The following PAICS variants were observed in gnomAD, a reference collection of about 807,000 sequenced individuals.
The protein encoded by PAICS is bifunctional phosphoribosylaminoimidazole carboxylase/phosphoribosylaminoimidazole succinocarboxamide synthetase.
A neutral mutation model predicts 53.7 loss-of-function variants in PAICS; 33 were observed. The observed-to-expected ratio is 0.61, with a 90% CI of 0.47 to 0.82. The LOEUF is 0.82. PAICS is among the 40% of genes least tolerant of loss of function. The pLI is 0.00. For synonymous variants in PAICS, 141 were observed against 167.2 expected, an observed-to-expected ratio of 0.84 and a Z score of 1.21; for missense variants, 394 against 494.1, an observed-to-expected ratio of 0.80 and a Z score of 1.92.
At chr4:56,431,413 GT>G, upstream of PAICS, 1 of 980,840 alleles carries the variant, frequency 1.0e-6, no homozygotes, top group Non-Finnish European at 1.2e-6. Flanking sequence ...TCTGTACTCT[GT>G]TTGCAGAACC....
upstream of PAICS, among the ~76,000 whole-genome samples, chr4:56,432,369 A>T (rs1717631470): frequency 6.6e-6 from 1 of 151,998 alleles, no homozygotes. Flanking sequence ...CTCTGCTAAA[A>T]ATACAAAAAT....
rs1041820526 is a variant in PAICS, at chr4:56,453,800, G to T, written c.1111+39G>T. The T allele has an allele frequency of 2.8e-6, 4 of 1,414,000 alleles. No homozygotes were observed. In the Admixed American group the frequency reaches 7.9e-5, roughly 28 times the overall value. The allele number at this position is 1,414,000 out of a possible 1,614,324, so 87.6% of individuals were successfully genotyped here. On this transcript the variant is annotated intron_variant, in intron 8 of 8. Coordinates refer to ENST00000512576, the MANE Select transcript of PAICS (RefSeq NM_001079524.2). ...AATTTTTAAAAACTGTTCATTACAA[G>T]CATTTAACAGATGCACAACAGTAGA...
chr4:56,417,815 C>T, the PAICS span, among the ~76,000 whole-genome samples: 3,547 of 147,338 alleles, frequency 0.024, 163 homozygotes, highest in African/African-American at 0.084. Flanking sequence ...GATTAATCTT[C>T]GGTATAATTT....
the PAICS span, chr4:56,425,276 T>C: frequency 6.3e-6 from 1 of 157,872 alleles, no homozygotes; most frequent in East Asian, 1.9e-4. Context: ...ACATGCATTA[T>C]AATTTGTATA....
At chr4:56,446,429 T>C (rs1050699090) in intron 2 of PAICS, 1 of 717,076 alleles carries the variant, frequency 1.4e-6, no homozygotes, top group Non-Finnish European at 2.6e-6. Flanking sequence ...CTAGTGTTTT[T>C]AAGCTTCATC....
intron 2 of PAICS, among the ~76,000 whole-genome samples, chr4:56,444,148 G>A (rs901830278): frequency 1.3e-5 from 2 of 151,996 alleles, no homozygotes; most frequent in Admixed American, 6.6e-5. Context: ...AATTAAGGTA[G>A]AAAGTAGAGA....
the PAICS span, chr4:56,421,679 C>G: frequency 6.6e-6 from 1 of 152,196 alleles, no homozygotes; most frequent in Non-Finnish European, 1.5e-5. Flanking sequence ...TGAGAAATCT[C>G]AAAATATTTC....
At chr4:56,453,120 G>A (rs891280539) in intron 7 of PAICS, among the ~76,000 whole-genome samples, 3 of 152,074 alleles carry the variant, frequency 2.0e-5, no homozygotes, top group African/African-American at 7.2e-5. Flanking sequence ...TGTATCAAAG[G>A]GCCTTAAAAT....
At chr4:56,412,309 C>CTT in the PAICS span, among the ~76,000 whole-genome samples, 75 of 142,154 alleles carry the variant, frequency 5.3e-4, no homozygotes, top group African/African-American at 1.6e-3. Context: ...CTCCCATCAC[C>CTT]TTTTTTTTTT....
rs114196546 is a variant in PAICS, at chr4:56,458,088, G to T, written c.1112-1284G>T. 2.3e-3 allele frequency among the ~76,000 whole-genome samples: 352 copies of T among 152,176 alleles called. 3 individuals are homozygous for T. The highest frequency in any genetic ancestry group is 8.3e-3 in the African/African-American group (344 of 41,518). On this transcript the variant is annotated intron_variant, in intron 8 of 8. Coordinates refer to ENST00000512576, the MANE Select transcript of PAICS (RefSeq NM_001079524.2). Reference sequence around the variant, plus strand: ...TAGATACCCATGGAGCTTACAAAAGGGGAGCATGATAAGCAAAAAATTGGC... The same window carrying T: ...TAGATACCCATGGAGCTTACAAAAGTGGAGCATGATAAGCAAAAAATTGGC...
intron 5 of PAICS, among the ~76,000 whole-genome samples, chr4:56,450,332 T>C (rs1718842912): frequency 6.6e-6 from 1 of 152,108 alleles, no homozygotes; most frequent in Non-Finnish European, 1.5e-5. Flanking sequence ...AAATAAAAAA[T>C]AACAGAAAAC....
upstream of PAICS, among the ~76,000 whole-genome samples, chr4:56,433,355 T>C (rs1023305436): frequency 1.6e-5 from 2 of 128,650 alleles, no homozygotes; most frequent in Admixed American, 7.9e-5. Flanking sequence ...AAAGCAACTA[T>C]AGAAAACAGA....
upstream of PAICS, among the ~76,000 whole-genome samples, chr4:56,434,263 C>CA (rs1473655885): frequency 2.0e-5 from 3 of 152,190 alleles, no homozygotes; most frequent in South Asian, 2.1e-4. Context: ...ATGAAAACAG[C>CA]AAAAAATACT....
At position 56,461,535 on chromosome 4, in the gene PAICS, T is replaced by G. The variant is rs1719515283; in HGVS notation, c.*1997T>G. 1 of 152,174 alleles carries G rather than the reference T, an allele frequency of 6.6e-6. No homozygotes were observed. Among genetic ancestry groups the G allele is most frequent in the South Asian group, 2.1e-4 (1 of 4,832 alleles). The allele number at this position is 152,174 out of a possible 1,614,324, so 9.4% of individuals were successfully genotyped here. A position where few individuals can be genotyped will look rare whatever the true frequency, so the allele number is the denominator to read the frequency against. On this transcript the variant is annotated 3_prime_UTR_variant, in exon 9 of 9. Coordinates refer to ENST00000512576, the MANE Select transcript of PAICS (RefSeq NM_001079524.2). ...GTCGTTATCAATTTTTTTTCCTTTTTTTTTTTAAGAGCCAAGTTCTCACTG... is the reference window on the plus strand; with the variant it reads ...GTCGTTATCAATTTTTTTTCCTTTTGTTTTTTAAGAGCCAAGTTCTCACTG...
At chr4:56,434,909 C>T (rs1290653163), upstream of PAICS, among the ~76,000 whole-genome samples, 1 of 152,196 alleles carries the variant, frequency 6.6e-6, no homozygotes, top group African/African-American at 2.4e-5. Context: ...GTTGGAGGCC[C>T]CGCGCGAAAA....
the PAICS span, chr4:56,422,572 T>G: frequency 6.6e-6 from 1 of 151,560 alleles, no homozygotes; most frequent in African/African-American, 2.4e-5. Flanking sequence ...CTGAACTGTG[T>G]TCCTCCCACC....
chr4:56,423,198 T>A, the PAICS span: 1 of 152,386 alleles, frequency 6.6e-6, no homozygotes, highest in South Asian at 2.1e-4. Flanking sequence ...TAAAGCTCAA[T>A]GTTAATTTAA....
the PAICS span, among the ~76,000 whole-genome samples, chr4:56,414,903 T>A: frequency 5.7e-4 from 87 of 152,324 alleles, no homozygotes; most frequent in African/African-American, 2.1e-3. Context: ...AAAGCAATTA[T>A]AAAACCTGAT....
rs1308347597 is a variant in PAICS, at chr4:56,459,856, G to T, written c.*318G>T. On this transcript the variant is annotated 3_prime_UTR_variant, in exon 9 of 9. Transcript: ENST00000512576. ...ATCTTAACTCCCTCAGCTAAAACTG[G>T]CATTACTGACTCCCAGCTATATTTC... 2 of 182,276 alleles carry T rather than the reference G, an allele frequency of 1.1e-5. No homozygotes were observed. Among genetic ancestry groups the T allele is most frequent in the African/African-American group, 4.8e-5 (2 of 42,012 alleles). 11.3% of individuals were successfully genotyped at this position (182,276 alleles called of 1,614,324 possible). A position where few individuals can be genotyped will look rare whatever the true frequency, so the allele number is the denominator to read the frequency against.
Sources: gnomAD v4.1 joint callset for allele counts (sites outside exome capture counted in the v4.1 genomes callset) on GRCh38, gnomAD v4.1.1 for gene constraint, MANE v1.5 for transcripts, NCBI Gene and HGNC (gene_info 2026-07-23, HGNC 2026-07-21) for gene names.